The following MTRF1L variants were observed in gnomAD, a reference collection of about 807,000 sequenced individuals.
MTRF1L encodes peptide chain release factor 1-like, mitochondrial.
MTRF1L carries 29 observed loss-of-function variants against 40.0 expected under a neutral mutation model. The observed-to-expected ratio is 0.73, with a 90% CI of 0.54 to 0.99. The LOEUF is 0.99. Ranked by LOEUF, MTRF1L falls within the 50% of genes least tolerant of loss-of-function variation. The probability of loss-of-function intolerance (pLI) is 0.00; values close to 1 mark genes in which losing one functional copy is unlikely to be tolerated. For synonymous variants in MTRF1L, 150 were observed against 175.8 expected (o/e 0.85, Z 1.16); for missense variants, 412 against 464.5 (o/e 0.89, Z 1.04).
intron 5 of MTRF1L, among the ~76,000 whole-genome samples, chr6:152,992,652 C>T (rs1331028067): frequency 6.6e-6 from 1 of 152,184 alleles, no homozygotes. Flanking sequence ...CAGACATTCC[C>T]TGAGTTTGGA....
At chr6:153,000,698 A>C (rs1189143436) in intron 1 of MTRF1L, among the ~76,000 whole-genome samples, 43 of 152,096 alleles carry the variant, frequency 2.8e-4, no homozygotes, top group Admixed American at 2.8e-3. Flanking sequence ...CATTTTTATA[A>C]CTTTTCTCCT....
rs745790624 is a variant in MTRF1L, at chr6:152,995,249, A to C, written c.410T>G (p.Val137Gly). The change falls in exon 3 of 7, where the codon GTT (valine) becomes GGT (glycine). Residue 137 changes from valine to glycine, a missense_variant. Transcript: ENST00000367233. ...NDLILEVTAG[V>G]GGQEAMLFTS... ...AAACAACATTGCCTCCTGACCTCCA[A>C]CTCCTGCAGTTACTTCCAGGATCAA... The C allele has an allele frequency of 1.1e-5, 17 of 1,608,744 alleles. No homozygotes were observed. Among genetic ancestry groups the C allele is most frequent in the Non-Finnish European group, 1.4e-5 (17 of 1,176,882 alleles).
In MTRF1L at chr6:152,991,270, AG is replaced by A. The variant is rs1778505093; in HGVS notation, c.856del (p.Leu286TrpfsTer3). 1 of 1,603,584 alleles carries A rather than the reference AG, an allele frequency of 6.2e-7. No individual in the cohort carries two copies. The highest frequency in any genetic ancestry group is 1.7e-5 in the Admixed American group (1 of 58,732). ...TTTTGCACGTAACTTTGTCATAGCC[AG>A]CTCTTTATTTTTCAGCTGAGATCTC... ...QERSQLKNKELAMTKLRAKLY... is the reference protein window; with the variant it reads ...QERSQLKNKEXAMTKLRAKLY... On this transcript the variant is annotated frameshift_variant, in exon 6 of 7. Transcript: ENST00000367233. LOFTEE classifies it high-confidence loss of function.
At chr6:152,998,486 C>T (rs1413758216) in intron 2 of MTRF1L, 64 bp downstream of exon 2, 13 of 1,253,782 alleles carry the variant, frequency 1.0e-5, no homozygotes, top group Admixed American at 2.7e-5. Context: ...TTTTTATAAA[C>T]CTTTAATAAA....
Position 152,995,329 on chromosome 6 carries a change from T to TA in MTRF1L, c.340-11dup. Reference sequence around the variant, plus strand: ...CCAAAAGTAAGATAATCTGTAAATATAAAAATATCACCCCTCCTATAATTA... The same window carrying TA: ...CCAAAAGTAAGATAATCTGTAAATATAAAAAATATCACCCCTCCTATAATTA... On this transcript the variant is annotated splice_polypyrimidine_tract_variant and intron_variant, in intron 2 of 6. Transcript: ENST00000367233. 1.3e-6 allele frequency: 2 copies of TA among 1,557,784 alleles called. No homozygotes were observed. Among genetic ancestry groups the TA allele is most frequent in the Middle Eastern group, 4.0e-4 (2 of 5,052 alleles).
intron 1 of MTRF1L, 42 bp downstream of exon 1, chr6:153,002,385 A>T: frequency 6.2e-7 from 1 of 1,613,830 alleles, no homozygotes; most frequent in Non-Finnish European, 8.5e-7. Flanking sequence ...ACGAAGAGTC[A>T]AGAATGTGCT....
In MTRF1L at chr6:152,991,330, T is replaced by C; in HGVS notation, c.806-9A>G. 1 of 1,564,226 alleles carries C rather than the reference T, an allele frequency of 6.4e-7. No individual in the cohort carries two copies. On this transcript the variant is annotated splice_polypyrimidine_tract_variant and intron_variant, in intron 5 of 6. Transcript: ENST00000367233. ...ACATTCAGAAACAACACCTGAATAGTGTTACGAGAATTAAAAAGTTTTAAT... is the reference window on the plus strand; with the variant it reads ...ACATTCAGAAACAACACCTGAATAGCGTTACGAGAATTAAAAAGTTTTAAT...
At chr6:152,995,915 C>T (rs1053618549) in intron 2 of MTRF1L, among the ~76,000 whole-genome samples, 1 of 152,148 alleles carries the variant, frequency 6.6e-6, no homozygotes, top group African/African-American at 2.4e-5. Context: ...GCCAAGCAGG[C>T]ACAAGAACAC....
chr6:152,996,966 A>G (rs559293021), intron 2 of MTRF1L, among the ~76,000 whole-genome samples: 64 of 152,198 alleles, frequency 4.2e-4, no homozygotes, highest in Non-Finnish European at 8.1e-4. Context: ...CTCTAGTTTG[A>G]GGTACTAAAA....
In MTRF1L at chr6:152,990,418, C is replaced by G; in HGVS notation, c.943-323G>C. The G allele has an allele frequency of 1.6e-5, 4 of 243,946 alleles. No individual in the cohort carries two copies. The South Asian group carries it at 2.8e-4, about 17-fold the overall frequency. The allele number at this position is 243,946 out of a possible 1,614,324, so 15.1% of individuals were successfully genotyped here. On this transcript the variant is annotated intron_variant, in intron 6 of 6. Transcript: ENST00000367233. ...AGAGCCTGGCACATAGATGCTATTC[C>G]TATAGTCGCTGAATACATATAATCT...
rs1243961715 is a variant in MTRF1L at position 152,990,041 on chromosome 6, G to A, written c.997C>T (p.Arg333Trp). ...TTGTTTATTCTGTGATCTGTGACCC[G>A]GTTCTGTGGAAAATTATATGTTCTT... ...KIRTYNFPQN[R>W]VTDHRINKTL... Residue 333 changes from arginine (R) to tryptophan (W), a missense_variant, in exon 7 of 7, where the codon CGG becomes TGG. Physicochemically the swap from Arg to Trp is moderately radical, Grantham distance 101. Transcript: ENST00000367233. 6.8e-6 allele frequency: 11 copies of A among 1,613,546 alleles called. No individual in the cohort carries two copies. The highest frequency in any genetic ancestry group is 2.7e-5 in the African/African-American group (2 of 74,792).
chr6:152,993,869 A>G (rs1287723987), intron 4 of MTRF1L, among the ~76,000 whole-genome samples: 1 of 152,246 alleles, frequency 6.6e-6, no homozygotes, highest in African/African-American at 2.4e-5. Flanking sequence ...CATTAAACCT[A>G]TTACAGAGCC....
intron 2 of MTRF1L, among the ~76,000 whole-genome samples, chr6:152,996,733 C>T (rs1279915481): frequency 1.3e-5 from 2 of 152,076 alleles, no homozygotes; most frequent in Admixed American, 6.6e-5. Context: ...TTCTGTAATT[C>T]ACAAAGATGT....
rs777430165 is a variant in MTRF1L, at chr6:152,995,327, T to A, written c.340-8A>T. ...AACCAAAAGTAAGATAATCTGTAAATATAAAAATATCACCCCTCCTATAAT... is the reference window on the plus strand; with the variant it reads ...AACCAAAAGTAAGATAATCTGTAAAAATAAAAATATCACCCCTCCTATAAT... On this transcript the variant is annotated splice_region_variant and splice_polypyrimidine_tract_variant and intron_variant, in intron 2 of 6. Coordinates refer to ENST00000367233, the MANE Select transcript of MTRF1L (RefSeq NM_019041.7). 1 of 1,561,394 alleles carries A rather than the reference T, an allele frequency of 6.4e-7. No homozygotes were observed. Among genetic ancestry groups the A allele is most frequent in the Admixed American group, 2.0e-5 (1 of 50,534 alleles).
At position 152,996,407 on chromosome 6, in the gene MTRF1L, A is replaced by G. The variant is rs577090085; in HGVS notation, c.340-1088T>C. Among the ~76,000 whole-genome samples, 10 of 152,306 alleles carry G rather than the reference A, an allele frequency of 6.6e-5. No homozygotes were observed. The East Asian group carries it at 1.9e-3, about 29-fold the overall frequency. On this transcript the variant is annotated intron_variant, in intron 2 of 6. Coordinates refer to ENST00000367233, the MANE Select transcript of MTRF1L (RefSeq NM_019041.7). ...CACTGAACAGAAACATTTAATACAC[A>G]TATCCTTCTTATTCACACAAAATTT...
Position 152,998,521 on chromosome 6 carries a change from A to T in MTRF1L, c.339+29T>A, listed in dbSNP as rs191549606. On this transcript the variant is annotated intron_variant, in intron 2 of 6. Transcript: ENST00000367233. The stretch of plus-strand genomic sequence containing the variant: ...ACTTTAATGCCTAAGAATAGCACAA[A>T]TGCTTTATTCTTTGCAGAAATACCA... 9.8e-5 allele frequency: 146 copies of T among 1,489,102 alleles called. 2 individuals carry two copies. In the East Asian group the frequency reaches 3.5e-3, roughly 36 times the overall value. The allele number at this position is 1,489,102 out of a possible 1,614,324, so 92.2% of individuals were successfully genotyped here. A position where few individuals can be genotyped will look rare whatever the true frequency, so the allele number is the denominator to read the frequency against.
rs1429575292 is a variant in MTRF1L, at chr6:152,990,058, T to C, written c.980A>G (p.Tyr327Cys). 3.1e-6 allele frequency: 5 copies of C among 1,613,170 alleles called. No individual in the cohort carries two copies. The African/African-American group carries it at 6.7e-5, about 22-fold the overall frequency. Residue 327 changes from tyrosine (Y) to cysteine (C), a missense_variant, in exon 7 of 7, where the codon TAT (tyrosine) becomes TGT (cysteine). Coordinates refer to ENST00000367233, the MANE Select transcript of MTRF1L (RefSeq NM_019041.7). ...TGTGACCCGGTTCTGTGGAAAATTA[T>C]ATGTTCTTATTTTCTCTGATCTTCC... ...SKGRSEKIRT[Y>C]NFPQNRVTDH... is the part of the protein sequence containing the mutation.
At chr6:152,993,958 A>C (rs769122747) in intron 4 of MTRF1L, among the ~76,000 whole-genome samples, 1 of 152,218 alleles carries the variant, frequency 6.6e-6, no homozygotes, top group Non-Finnish European at 1.5e-5. Flanking sequence ...ATTCTGAAAA[A>C]CAAGTCAGAT....
intron 4 of MTRF1L, among the ~76,000 whole-genome samples, chr6:152,994,041 T>C (rs538770169): frequency 1.1e-4 from 16 of 152,340 alleles, no homozygotes; most frequent in South Asian, 2.1e-4. Flanking sequence ...CTTAAAAATA[T>C]AGACTGAGAA....
Sources: allele counts gnomAD v4.1 joint callset (sites outside exome capture counted in the v4.1 genomes callset), GRCh38; gene constraint gnomAD v4.1.1; transcripts MANE v1.5; gene names NCBI Gene and HGNC (gene_info 2026-07-23, HGNC 2026-07-21).